KHDC1: variants seen among roughly 807,000 people sequenced by gnomAD.
The protein encoded by KHDC1 is KH domain containing 1.
Under a neutral mutation model 24.7 loss-of-function variants are expected in KHDC1, and 21 were observed. The ratio of observed to expected loss-of-function variants is 0.85; its 90% CI spans 0.60 to 1.23. KHDC1 has a LOEUF of 1.23. Among genes scored for constraint, KHDC1 ranks in the 50% most tolerant of loss-of-function variants. The pLI, the probability that KHDC1 is intolerant of heterozygous loss-of-function variation, is 0.00. For missense variants in KHDC1, 274 were observed against 298.5 expected (o/e 0.92, Z 0.61); for synonymous variants, 98 against 111.7 (o/e 0.88, Z 0.77).
At chr6:73,248,626 T>C (rs1251833375) in intron 2 of KHDC1, among the ~76,000 whole-genome samples, 1 of 152,182 alleles carries the variant, frequency 6.6e-6, no homozygotes, top group African/African-American at 2.4e-5. Context: ...GTTAACAAGA[T>C]ATCCCAGCCC....
chr6:73,249,438 C>T (rs541787653), intron 2 of KHDC1, among the ~76,000 whole-genome samples: 7 of 152,310 alleles, frequency 4.6e-5, no homozygotes, highest in Non-Finnish European at 8.8e-5. Context: ...CAAAGTACCA[C>T]ATAGGACCAC....
chr6:73,245,734 A>T (rs1436288562), intron 2 of KHDC1, among the ~76,000 whole-genome samples: 2 of 152,190 alleles, frequency 1.3e-5, no homozygotes, highest in African/African-American at 4.8e-5. Context: ...TTTTAATAAC[A>T]GTCACGGGAA....
intron 2 of KHDC1, among the ~76,000 whole-genome samples, chr6:73,290,170 G>A (rs1169743439): frequency 2.0e-5 from 3 of 150,892 alleles, no homozygotes; most frequent in Non-Finnish European, 2.9e-5. Flanking sequence ...CCAGCTACTC[G>A]GGAAGCTGAG....
At position 73,297,282 on chromosome 6, in the gene KHDC1, G is replaced by A. The variant is rs558626863; in HGVS notation, c.164-5242C>T. 7.8e-4 allele frequency among the ~76,000 whole-genome samples: 118 copies of A among 151,904 alleles called. 2 individuals carry two copies. In the South Asian group the frequency reaches 0.011, roughly 14 times the overall value. ...TTCTTCATTTAATAATGTATCTTGA[G>A]GATTGTTGCATTTGGCACTTCATCT... On this transcript the variant is annotated intron_variant, in intron 1 of 4. Coordinates refer to ENST00000370384, the Ensembl canonical transcript of KHDC1.
intron 1 of KHDC1, chr6:73,293,216 T>G (rs1204825361): frequency 1.5e-6 from 1 of 682,524 alleles, no homozygotes; most frequent in Non-Finnish European, 2.8e-6. Context: ...GAGAAGAAAC[T>G]TAATGACAAT....
chr6:73,308,651 C>T (rs533232990), intron 1 of KHDC1, among the ~76,000 whole-genome samples: 3 of 152,136 alleles, frequency 2.0e-5, no homozygotes, highest in East Asian at 3.9e-4. Context: ...ATGGGTGCCA[C>T]ATAGCCCAGC....
At chr6:73,278,178 A>ATT (rs34114549) in intron 2 of KHDC1, among the ~76,000 whole-genome samples, 1 of 131,474 alleles carries the variant, frequency 7.6e-6, no homozygotes, top group Non-Finnish European at 1.6e-5. Context: ...CGCCTGGCCA[A>ATT]TTTTTTTTTT....
chr6:73,291,882 G>A lies in KHDC1; in HGVS notation c.206+116C>T, dbSNP rs1053789866. On this transcript the variant is annotated intron_variant, in intron 2 of 4. Coordinates refer to ENST00000370384, the Ensembl canonical transcript of KHDC1. ...CCTCACTATTACACAATACATTCAT[G>A]TAACAAGCCTGCACATGCACCTCCT... 5 of 1,126,716 alleles carry A rather than the reference G, an allele frequency of 4.4e-6. No homozygotes were observed. The African/African-American group carries it at 4.7e-5, about 11-fold the overall frequency. 69.8% of individuals were successfully genotyped at this position (1,126,716 alleles called of 1,614,324 possible).
At chr6:73,297,867 T>C (rs1484972186) in intron 1 of KHDC1, among the ~76,000 whole-genome samples, 1 of 152,144 alleles carries the variant, frequency 6.6e-6, no homozygotes, top group Non-Finnish European at 1.5e-5. Context: ...AAGGTTTAAT[T>C]TTCCAAATGT....
intron 1 of KHDC1, chr6:73,298,956 G>A (rs895298691): frequency 6.6e-6 from 1 of 152,200 alleles, no homozygotes; most frequent in African/African-American, 2.4e-5. Flanking sequence ...GAGGAGGAGT[G>A]TGGGATGTCG....
At chr6:73,242,353 T>A in intron 3 of KHDC1, 53 bp downstream of exon 2, 2 of 1,611,772 alleles carry the variant, frequency 1.2e-6, no homozygotes, top group East Asian at 2.2e-5. Context: ...AGAGGAAGAG[T>A]GAAAACTGAG....
chr6:73,258,124 G>A (rs539551169), intron 2 of KHDC1, among the ~76,000 whole-genome samples: 1 of 152,224 alleles, frequency 6.6e-6, no homozygotes, highest in African/African-American at 2.4e-5. Flanking sequence ...GCGTGGTGGT[G>A]CACACCTGTA....
chr6:73,285,334 C>CTT (rs750881240), intron 2 of KHDC1, among the ~76,000 whole-genome samples: 5 of 142,014 alleles, frequency 3.5e-5, no homozygotes, highest in Non-Finnish European at 6.2e-5. Flanking sequence ...CATGACTCTT[C>CTT]TTTTTTTTTT....
At chr6:73,249,715 T>G (rs1766744570) in intron 2 of KHDC1, among the ~76,000 whole-genome samples, 1 of 152,198 alleles carries the variant, frequency 6.6e-6, no homozygotes. Context: ...TGAATAACTT[T>G]CTGATGGTAG....
At chr6:73,296,151 A>T (rs771599591) in intron 1 of KHDC1, among the ~76,000 whole-genome samples, 14 of 149,172 alleles carry the variant, frequency 9.4e-5, no homozygotes, top group Non-Finnish European at 1.8e-4. Flanking sequence ...CAAAAAACTA[A>T]AAAGAAAACA....
intron 1 of KHDC1, chr6:73,293,295 A>AT (rs1767692458): frequency 8.7e-6 from 5 of 577,748 alleles, no homozygotes; most frequent in Admixed American, 5.0e-5. Flanking sequence ...TAAGGAAAAG[A>AT]TTTTAAAAAA....
At chr6:73,267,477 C>T (rs936209062) in intron 2 of KHDC1, among the ~76,000 whole-genome samples, 2 of 151,288 alleles carry the variant, frequency 1.3e-5, no homozygotes, top group African/African-American at 4.9e-5. Context: ...AGGAAGACTC[C>T]ATCTCAAAAA....
intron 2 of KHDC1, chr6:73,291,812 A>T (rs1582583227): frequency 3.2e-6 from 2 of 630,764 alleles, no homozygotes; most frequent in East Asian, 5.5e-5. Context: ...TACCTATTGG[A>T]TACAATGTTT....
intron 2 of KHDC1, among the ~76,000 whole-genome samples, chr6:73,271,224 G>C (rs931475822): frequency 2.7e-5 from 4 of 150,704 alleles, no homozygotes; most frequent in African/African-American, 9.8e-5. Flanking sequence ...TTGTTGTTGG[G>C]GGGGACAGAA....
Sources: gnomAD v4.1 joint callset for allele counts (sites outside exome capture counted in the v4.1 genomes callset) on GRCh38, gnomAD v4.1.1 for gene constraint, MANE v1.5 for transcripts, NCBI Gene and HGNC (gene_info 2026-07-23, HGNC 2026-07-21) for gene names.